Variants in PPP1R1B observed in about 807,000 individuals in gnomAD.
PPP1R1B encodes the protein protein phosphatase 1 regulatory inhibitor subunit 1B.
A neutral mutation model predicts 28.2 loss-of-function variants in PPP1R1B; 13 were observed. The observed-to-expected ratio is 0.46, with a 90% CI of 0.30 to 0.73. The LOEUF is 0.73. PPP1R1B is among the 30% of genes least tolerant of loss of function. The pLI, the probability that PPP1R1B is intolerant of heterozygous loss-of-function variation, is 0.07. For synonymous variants in PPP1R1B, 102 were observed against 97.5 expected (o/e 1.05, Z -0.27); for missense variants, 236 against 256.7 (o/e 0.92, Z 0.55).
At chr17:39,628,766 G>T in intron 1 of PPP1R1B, 1 of 960,778 alleles carries the variant, frequency 1.0e-6, no homozygotes, top group Non-Finnish European at 1.2e-6. Flanking sequence ...GGGCCCAGCC[G>T]TGGCAGCTGG....
chr17:39,630,123 C>T, intron 4 of PPP1R1B, 76 bp downstream of exon 4: 1 of 1,375,150 alleles, frequency 7.3e-7, no homozygotes, highest in East Asian at 2.3e-5. Flanking sequence ...GAGCTTTTGT[C>T]AGTGGGGAGG....
chr17:39,629,103 C>T, intron 1 of PPP1R1B, 67 bp from the exon 2 acceptor site: 1 of 1,503,904 alleles, frequency 6.6e-7, no homozygotes, highest in South Asian at 1.1e-5. Flanking sequence ...CTGTTTGTTC[C>T]CTGCTGCCTG....
In PPP1R1B at chr17:39,635,660, C is replaced by A. The variant is rs75805989; in HGVS notation, c.499C>A (p.Pro167Thr). The A allele has an allele frequency of 6.2e-7, 1 of 1,614,144 alleles. No individual in the cohort carries two copies. Among genetic ancestry groups the A allele is most frequent in the South Asian group, 1.1e-5 (1 of 91,080 alleles). The change falls in exon 6 of 7, where the codon CCC becomes ACC. Residue 167 changes from proline (P) to threonine (T), a missense_variant. Pro to Thr is a conservative substitution (Grantham distance 38). Transcript: ENST00000254079. ...QGLEGPWERP[P>T]PLDESERDGG... ...TCTGGAAGGGCCCTGGGAGCGCCCA[C>A]CCCCTCTGGATGAGTCCGAGAGAGA...
chr17:39,627,156 C>A lies in PPP1R1B; in HGVS notation c.-237C>A. 2.1e-6 allele frequency: 1 copy of A among 474,776 alleles called. No individual in the cohort carries two copies. Among genetic ancestry groups the A allele is most frequent in the East Asian group, 3.7e-5 (1 of 27,054 alleles). 29.4% of individuals were successfully genotyped at this position (474,776 alleles called of 1,614,324 possible). A position where few individuals can be genotyped will look rare whatever the true frequency, so the allele number is the denominator to read the frequency against. On this transcript the variant is annotated 5_prime_UTR_variant, in exon 1 of 7. Coordinates refer to ENST00000254079, the MANE Select transcript of PPP1R1B (RefSeq NM_032192.4). The stretch of plus-strand genomic sequence containing the variant: ...GGAGCGAGGCACAGACCTGGCTCAG[C>A]GAGCGCGGGGGGCGAGCCCCGAGTC...
intron 5 of PPP1R1B, among the ~76,000 whole-genome samples, chr17:39,635,110 C>T (rs544880390): frequency 1.9e-4 from 29 of 152,248 alleles, no homozygotes; most frequent in Non-Finnish European, 3.7e-4. Flanking sequence ...GCAGAAGAAT[C>T]CCCTGAACCT....
intron 1 of PPP1R1B, 135 bp from the exon 2 acceptor site, chr17:39,629,035 G>A (rs897470943): frequency 1.0e-4 from 79 of 770,796 alleles, no homozygotes; most frequent in East Asian, 3.5e-4. Context: ...GTGAGCTACA[G>A]AGTTCCTTTT....
intron 3 of PPP1R1B, 118 bp from the exon 4 acceptor site, chr17:39,629,854 G>A (rs1038096370): frequency 2.6e-5 from 29 of 1,107,502 alleles, no homozygotes; most frequent in Non-Finnish European, 8.2e-6. Context: ...CTAGGTGCAG[G>A]ACCCATTAGC....
chr17:39,629,312 C>A, intron 2 of PPP1R1B, 82 bp downstream of exon 2: 1 of 1,463,686 alleles, frequency 6.8e-7, no homozygotes. Context: ...GTCCCATGAA[C>A]AGGAGTCAAA....
intron 1 of PPP1R1B, among the ~76,000 whole-genome samples, 171 bp downstream of exon 1, chr17:39,627,644 G>T (rs1388308381): frequency 6.6e-6 from 1 of 151,956 alleles, no homozygotes; most frequent in Non-Finnish European, 1.5e-5. Flanking sequence ...GTTAGCTGGA[G>T]ACTCGTGCAA....
chr17:39,630,853 T>G (rs994870813), intron 4 of PPP1R1B, among the ~76,000 whole-genome samples: 1 of 152,348 alleles, frequency 6.6e-6, no homozygotes, highest in Admixed American at 6.5e-5. Context: ...GCAGATCACC[T>G]GAGGTCAGGA....
At chr17:39,628,101 GC>G (rs2056850044) in intron 1 of PPP1R1B, among the ~76,000 whole-genome samples, 1 of 152,136 alleles carries the variant, frequency 6.6e-6, no homozygotes. Flanking sequence ...CCTCCTGAGG[GC>G]CTTCTTGGGG....
chr17:39,628,234 G>A (rs941527093), intron 1 of PPP1R1B, among the ~76,000 whole-genome samples: 2 of 151,808 alleles, frequency 1.3e-5, no homozygotes, highest in Non-Finnish European at 2.9e-5. Flanking sequence ...GAGCAGTGAT[G>A]AGGGGGCCAA....
intron 4 of PPP1R1B, 64 bp downstream of exon 4, chr17:39,630,111 G>A (rs1247223394): frequency 2.0e-6 from 3 of 1,472,852 alleles, no homozygotes; most frequent in Non-Finnish European, 9.5e-7. Context: ...CAGACGCTAG[G>A]GGAGCTTTTG....
chr17:39,634,344 G>A (rs768406521), intron 5 of PPP1R1B, among the ~76,000 whole-genome samples: 1 of 152,226 alleles, frequency 6.6e-6, no homozygotes, highest in Non-Finnish European at 1.5e-5. Flanking sequence ...GGCCAAGGCC[G>A]TTTGGGGTTT....
intron 4 of PPP1R1B, chr17:39,633,242 T>C (rs2056891585): frequency 6.5e-6 from 1 of 153,604 alleles, no homozygotes; most frequent in South Asian, 2.0e-4. Flanking sequence ...CATCTGAGCA[T>C]GCCGCATCCC....
chr17:39,629,682 T>C (rs1448237633), intron 3 of PPP1R1B, 120 bp downstream of exon 3: 4 of 1,017,080 alleles, frequency 3.9e-6, no homozygotes, highest in Middle Eastern at 5.1e-4. Context: ...CATTAGCATA[T>C]CAATGGGCAG....
intron 4 of PPP1R1B, 183 bp from the exon 5 acceptor site, chr17:39,633,700 C>T: frequency 1.0e-6 from 1 of 999,772 alleles, no homozygotes; most frequent in Non-Finnish European, 1.4e-6. Context: ...CTGGCTGCCT[C>T]TGCCCTGGTC....
At position 39,630,024 on chromosome 17, in the gene PPP1R1B, C is replaced by A; in HGVS notation, c.218C>A (p.Ala73Asp). 1.2e-6 allele frequency: 2 copies of A among 1,614,112 alleles called. No homozygotes were observed. Among genetic ancestry groups the A allele is most frequent in the Non-Finnish European group, 8.5e-7 (1 of 1,180,002 alleles). ...AAGTCGAAGAGACCCAACCCCTGTG[C>A]CTACACACCACCTTCGCTGAAAGGT... is the stretch of plus-strand genomic sequence containing the variant. ...HLKSKRPNPC[A>D]YTPPSLKAVQ... is the part of the protein sequence containing the mutation. Residue 73 changes from alanine to aspartate, a missense_variant, in exon 4 of 7, where the codon GCC becomes GAC. Physicochemically the swap from Ala to Asp is moderately radical, Grantham distance 126. Transcript: ENST00000254079.
intron 1 of PPP1R1B, chr17:39,628,434 T>C (rs757504748): frequency 8.8e-6 from 7 of 798,342 alleles, no homozygotes; most frequent in African/African-American, 2.9e-5. Flanking sequence ...ATTGCCAAGC[T>C]GAGGGGCGGG....
Sources: gnomAD v4.1 joint callset for allele counts (sites outside exome capture counted in the v4.1 genomes callset) on GRCh38, gnomAD v4.1.1 for gene constraint, MANE v1.5 for transcripts, NCBI Gene and HGNC (gene_info 2026-07-23, HGNC 2026-07-21) for gene names.